SUMF1: variants seen among roughly 807,000 people sequenced by gnomAD.
The protein encoded by SUMF1 is formylglycine-generating enzyme.
Under a neutral mutation model 47.6 loss-of-function variants are expected in SUMF1, and 48 were observed. The observed-to-expected ratio is 1.01, with a 90% confidence interval of 0.80 to 1.28. The LOEUF is 1.28. Ranked by LOEUF, SUMF1 falls within the 50% of genes most tolerant of loss-of-function variation. The pLI is 0.00. For synonymous variants in SUMF1, 230 were observed against 192.1 expected (o/e 1.20, Z -1.63); for missense variants, 571 against 485.4 (o/e 1.18, Z -1.66).
At chr3:4,262,053 ATCTCTGATAT>A (rs1232740474) in intron 8 of SUMF1, among the ~76,000 whole-genome samples, 1 of 152,216 alleles carries the variant, frequency 6.6e-6, no homozygotes, top group Non-Finnish European at 1.5e-5. Context: ...AACTGACCAC[ATCTCTGATAT>A]TCTCTGTGCA....
At chr3:4,078,454 G>A (rs1692487942) in intron 8 of SUMF1, among the ~76,000 whole-genome samples, 1 of 152,064 alleles carries the variant, frequency 6.6e-6, no homozygotes, top group Admixed American at 6.5e-5. Flanking sequence ...TACAGAAACG[G>A]CCCACAATTT....
At chr3:4,354,057 G>T (rs1407681108) in intron 8 of SUMF1, among the ~76,000 whole-genome samples, 2 of 152,174 alleles carry the variant, frequency 1.3e-5, no homozygotes, top group East Asian at 3.9e-4. Context: ...GTCTCACTAT[G>T]TTGCCTAGGC....
chr3:4,283,271 C>T (rs1444188932), intron 8 of SUMF1, among the ~76,000 whole-genome samples: 2 of 152,170 alleles, frequency 1.3e-5, no homozygotes, highest in Non-Finnish European at 2.9e-5. Flanking sequence ...TTCAAATGCC[C>T]ATTTGTATTA....
intron 8 of SUMF1, among the ~76,000 whole-genome samples, chr3:4,108,623 T>C (rs1050827573): frequency 4.6e-5 from 7 of 152,106 alleles, no homozygotes; most frequent in African/African-American, 1.4e-4. Flanking sequence ...TGGGTGCATA[T>C]ATATTTAGGA....
At chr3:4,230,460 T>C (rs2124982117) in intron 8 of SUMF1, among the ~76,000 whole-genome samples, 1 of 152,186 alleles carries the variant, frequency 6.6e-6, no homozygotes, top group Non-Finnish European at 1.5e-5. Context: ...TTGACTTATA[T>C]TTATTGGTTT....
At chr3:4,213,446 C>G (rs1695844347) in intron 8 of SUMF1, among the ~76,000 whole-genome samples, 1 of 152,140 alleles carries the variant, frequency 6.6e-6, no homozygotes, top group African/African-American at 2.4e-5. Context: ...CAGTTCCAGC[C>G]ACTGCAAAAA....
rs770332036 is a variant in SUMF1, at chr3:4,376,330, C to A, written c.1014G>T (p.Arg338Ser). The part of the protein sequence containing the change: ...VKKGGSYMCH[R>S]SYCYRYRCAA... Reference sequence around the variant, plus strand: ...AAAACAGTTTAGTGACATGACTTACCCTATGGCACATGTAGGATCCACCTT... The same window carrying A: ...AAAACAGTTTAGTGACATGACTTACACTATGGCACATGTAGGATCCACCTT... The change falls in exon 8 of 9, where the codon AGG becomes AGT. Residue 338 changes from arginine to serine, a missense_variant and splice_region_variant. Transcript: ENST00000272902. 1 of 1,614,080 alleles carries A rather than the reference C, an allele frequency of 6.2e-7. No individual in the cohort carries two copies. The highest frequency in any genetic ancestry group is 1.1e-5 in the South Asian group (1 of 91,082).
At chr3:4,153,074 C>T (rs1694374599) in intron 8 of SUMF1, among the ~76,000 whole-genome samples, 1 of 151,542 alleles carries the variant, frequency 6.6e-6, no homozygotes, top group African/African-American at 2.4e-5. Context: ...TGCAAAGTTA[C>T]AGCTACAATC....
chr3:4,173,435 G>T (rs541571924), intron 8 of SUMF1, among the ~76,000 whole-genome samples: 2 of 152,292 alleles, frequency 1.3e-5, no homozygotes, highest in East Asian at 3.9e-4. Flanking sequence ...GTGGGTGGGA[G>T]TGTAAATTAG....
intron 8 of SUMF1, among the ~76,000 whole-genome samples, chr3:4,201,797 T>A (rs911562600): frequency 6.6e-6 from 1 of 151,980 alleles, no homozygotes; most frequent in Non-Finnish European, 1.5e-5. Flanking sequence ...ATCCTTGCCA[T>A]GTCTTTTCGA....
chr3:4,347,721 A>G (rs1699401799), intron 8 of SUMF1, among the ~76,000 whole-genome samples: 1 of 152,216 alleles, frequency 6.6e-6, no homozygotes, highest in Non-Finnish European at 1.5e-5. Context: ...GGTATTCAAT[A>G]GGAAGAGAGG....
chr3:4,187,236 T>C (rs974320001), intron 8 of SUMF1, among the ~76,000 whole-genome samples: 1 of 151,740 alleles, frequency 6.6e-6, no homozygotes, highest in Non-Finnish European at 1.5e-5. Flanking sequence ...CAGCGCAATG[T>C]CAGGTACCTG....
At chr3:4,132,344 T>C (rs1167085320) in intron 8 of SUMF1, among the ~76,000 whole-genome samples, 2 of 152,144 alleles carry the variant, frequency 1.3e-5, no homozygotes, top group African/African-American at 2.4e-5. Context: ...CCCATCATTC[T>C]GAAGCAGCTA....
chr3:4,313,097 A>ATG (rs1698480654), intron 8 of SUMF1: 1 of 1,614,018 alleles, frequency 6.2e-7, no homozygotes, highest in African/African-American at 1.3e-5. Context: ...TTTGAATGCA[A>ATG]TGTCCTGTGC....
intron 7 of SUMF1, among the ~76,000 whole-genome samples, chr3:4,399,499 T>C (rs1248491917): frequency 6.6e-6 from 1 of 152,200 alleles, no homozygotes; most frequent in East Asian, 1.9e-4. Context: ...GGAATATATA[T>C]GTTTATTAAT....
chr3:4,179,055 T>A (rs1695034311), intron 8 of SUMF1, among the ~76,000 whole-genome samples: 1 of 152,166 alleles, frequency 6.6e-6, no homozygotes, highest in Admixed American at 6.5e-5. Flanking sequence ...CACAAACAAA[T>A]GGAAGAATGT....
chr3:4,203,707 T>A (rs1695589758), intron 8 of SUMF1, among the ~76,000 whole-genome samples: 1 of 151,956 alleles, frequency 6.6e-6, no homozygotes, highest in South Asian at 2.1e-4. Flanking sequence ...GAAGTGGTTT[T>A]CTCTGGTCAT....
At chr3:4,105,145 T>C (rs908932916) in intron 8 of SUMF1, among the ~76,000 whole-genome samples, 2 of 152,132 alleles carry the variant, frequency 1.3e-5, no homozygotes, top group South Asian at 2.1e-4. Flanking sequence ...AGGCAAATAC[T>C]GCATGATCTC....
At position 4,109,106 on chromosome 3, in the gene SUMF1, T is replaced by G. The variant is rs1693229042; in HGVS notation, c.1015-40361A>C. Among the ~76,000 whole-genome samples, 3 of 152,110 alleles carry G rather than the reference T, an allele frequency of 2.0e-5. No homozygotes were observed. In the South Asian group the frequency reaches 6.2e-4, roughly 32 times the overall value. On this transcript the variant is annotated intron_variant and NMD_transcript_variant, in intron 8 of 12. Transcript: ENST00000448413. ...TTTAGTGCTTCCTTCAGGAGCTCTTTTAGGGCAGGCCTGGTGGTGACAAAA... is the reference window on the plus strand; with the variant it reads ...TTTAGTGCTTCCTTCAGGAGCTCTTGTAGGGCAGGCCTGGTGGTGACAAAA...
Sources: allele counts gnomAD v4.1 joint callset (sites outside exome capture counted in the v4.1 genomes callset), GRCh38; gene constraint gnomAD v4.1.1; transcripts MANE v1.5; gene names NCBI Gene and HGNC (gene_info 2026-07-23, HGNC 2026-07-21).